The following SPSB4 variants were observed in gnomAD, a reference collection of about 807,000 sequenced individuals.
SPSB4 encodes splA/ryanodine receptor domain and SOCS box containing 4.
In SPSB4, 21 loss-of-function variants were observed where a neutral mutation model predicts 20.9. The observed-to-expected ratio is 1.01, with a 90% CI of 0.71 to 1.45. The LOEUF is 1.45. Ranked by LOEUF, SPSB4 falls within the 40% of genes most tolerant of loss-of-function variation. The pLI is 0.00. For missense variants in SPSB4, 399 were observed against 399.2 expected (o/e 1.00, Z 0.00); for synonymous variants, 207 against 183.8 (o/e 1.13, Z -1.02).
intron 2 of SPSB4, among the ~76,000 whole-genome samples, chr3:141,081,850 G>A (rs547049063): frequency 1.3e-5 from 2 of 152,312 alleles, no homozygotes; most frequent in East Asian, 1.9e-4. Flanking sequence ...AGGCCTGGAC[G>A]GCGTTAGGGG....
At chr3:141,086,506 A>C (rs1437950590) in intron 2 of SPSB4, among the ~76,000 whole-genome samples, 5 of 152,240 alleles carry the variant, frequency 3.3e-5, no homozygotes, top group Non-Finnish European at 5.9e-5. Flanking sequence ...TGACATATAC[A>C]TAAACATCTT....
intron 2 of SPSB4, among the ~76,000 whole-genome samples, chr3:141,072,209 C>T (rs1938021942): frequency 6.6e-6 from 1 of 152,234 alleles, no homozygotes; most frequent in South Asian, 2.1e-4. Flanking sequence ...CTCATTTTTC[C>T]ACCCATAGGC....
intron 2 of SPSB4, among the ~76,000 whole-genome samples, chr3:141,124,883 G>A (rs1311723271): frequency 1.3e-5 from 2 of 152,180 alleles, no homozygotes; most frequent in Non-Finnish European, 2.9e-5. Context: ...TTCTGATGCA[G>A]TAGGTCAGGG....
intron 2 of SPSB4, among the ~76,000 whole-genome samples, chr3:141,084,391 T>C (rs1317358747): frequency 6.6e-6 from 1 of 151,936 alleles, no homozygotes; most frequent in Non-Finnish European, 1.5e-5. Context: ...GGCCTATAAA[T>C]CAAACGGGTC....
At chr3:141,100,740 G>C (rs1184640572) in intron 2 of SPSB4, among the ~76,000 whole-genome samples, 2 of 152,212 alleles carry the variant, frequency 1.3e-5, no homozygotes, top group Admixed American at 6.5e-5. Context: ...AACAGGTGAG[G>C]CCAAGGGTGG....
Position 141,109,716 on chromosome 3 carries a change from GCCT to G in SPSB4, c.695-37424_695-37422del, listed in dbSNP as rs1348265266. 1.2e-3 allele frequency among the ~76,000 whole-genome samples: 178 copies of G among 151,738 alleles called. 1 individual carries two copies. The highest frequency in any genetic ancestry group is 4.0e-3 in the African/African-American group (167 of 41,344). On this transcript the variant is annotated intron_variant, in intron 2 of 2. Transcript: ENST00000310546. ...TTACATCTCAGCAGCCTTGTATCAA[GCCT>G]CTGCCCCACCCTGGTCCCAGCAACT... is the stretch of plus-strand genomic sequence containing the variant.
At chr3:141,093,099 A>G (rs1215186448) in intron 2 of SPSB4, among the ~76,000 whole-genome samples, 1 of 152,044 alleles carries the variant, frequency 6.6e-6, no homozygotes, top group Non-Finnish European at 1.5e-5. Flanking sequence ...CAGGAGCCCT[A>G]TACCTGGATG....
intron 2 of SPSB4, among the ~76,000 whole-genome samples, chr3:141,118,437 G>T (rs1333766958): frequency 1.3e-5 from 2 of 152,084 alleles, no homozygotes; most frequent in African/African-American, 2.4e-5. Context: ...CCATTCTGTA[G>T]GTTGCCTGTT....
At chr3:141,083,945 T>C (rs1398112458) in intron 2 of SPSB4, among the ~76,000 whole-genome samples, 1 of 151,996 alleles carries the variant, frequency 6.6e-6, no homozygotes, top group African/African-American at 2.4e-5. Context: ...GGGGAAAGAC[T>C]CTGAAGTTGG....
chr3:141,141,217 G>C (rs1014457777), intron 2 of SPSB4, among the ~76,000 whole-genome samples: 1 of 152,208 alleles, frequency 6.6e-6, no homozygotes, highest in Admixed American at 6.5e-5. Flanking sequence ...CGATTTTCCA[G>C]GTGCCACCTG....
At chr3:141,126,146 T>C (rs143574726) in intron 2 of SPSB4, among the ~76,000 whole-genome samples, 1,909 of 151,954 alleles carry the variant, frequency 0.013, 44 homozygotes, top group African/African-American at 0.044. Context: ...TTAGAGAAAA[T>C]CTCATTCAGT....
chr3:141,112,057 T>C (rs1053496068), intron 2 of SPSB4, among the ~76,000 whole-genome samples: 1 of 152,202 alleles, frequency 6.6e-6, no homozygotes, highest in Non-Finnish European at 1.5e-5. Context: ...GCTGGAGAAC[T>C]GCAGCCCAGG....
chr3:141,062,796 C>T (rs1251114556), intron 1 of SPSB4, among the ~76,000 whole-genome samples: 3 of 152,072 alleles, frequency 2.0e-5, no homozygotes, highest in Non-Finnish European at 4.4e-5. Context: ...ACCTAATATA[C>T]AGGAAAATTT....
chr3:141,082,905 C>T lies in SPSB4; in HGVS notation c.694+16107C>T, dbSNP rs138229883. ...CACCAGGCTTTCTAAATATCTGAAA[C>T]GCTCTACGCCATCCCTGCTTTCTTT... On this transcript the variant is annotated intron_variant, in intron 2 of 2. Transcript: ENST00000310546. Among the ~76,000 whole-genome samples the T allele has an allele frequency of 4.3e-3, 638 of 149,660 alleles. 4 individuals are homozygous for T. Among genetic ancestry groups the T allele is most frequent in the African/African-American group, 0.015 (615 of 40,130 alleles).
At chr3:141,100,852 G>A (rs972915430) in intron 2 of SPSB4, among the ~76,000 whole-genome samples, 9 of 152,140 alleles carry the variant, frequency 5.9e-5, no homozygotes, top group African/African-American at 2.2e-4. Context: ...GGGAGAGAAG[G>A]GAGGGTGCCC....
intron 1 of SPSB4, among the ~76,000 whole-genome samples, chr3:141,054,762 G>A (rs1487606532): frequency 1.3e-5 from 2 of 152,302 alleles, no homozygotes; most frequent in African/African-American, 2.4e-5. Flanking sequence ...TCAGGAGATC[G>A]AGACTATCCT....
rs137976511 is a variant in SPSB4, at chr3:141,130,558, A to G, written c.695-16584A>G. Among the ~76,000 whole-genome samples the G allele has an allele frequency of 3.0e-3, 462 of 152,324 alleles. 3 individuals are homozygous for G. Among genetic ancestry groups the G allele is most frequent in the South Asian group, 0.019 (90 of 4,826 alleles). ...TATCTGCCGACCATTGTCTAAAATT[A>G]CAAGAGAATTTCACCTCTTGACTCT... On this transcript the variant is annotated intron_variant, in intron 2 of 2. Coordinates refer to ENST00000310546, the MANE Select transcript of SPSB4 (RefSeq NM_080862.3).
chr3:141,103,457 A>T (rs1010817803), intron 2 of SPSB4, among the ~76,000 whole-genome samples: 1 of 152,136 alleles, frequency 6.6e-6, no homozygotes, highest in African/African-American at 2.4e-5. Context: ...GCTGTACACA[A>T]TCCTGACCCT....
chr3:141,116,559 C>G (rs1235167383), intron 2 of SPSB4, among the ~76,000 whole-genome samples: 1 of 152,178 alleles, frequency 6.6e-6, no homozygotes, highest in Non-Finnish European at 1.5e-5. Flanking sequence ...TGCCCCAGTT[C>G]CAATCCCATA....
Sources: allele counts gnomAD v4.1 joint callset (sites outside exome capture counted in the v4.1 genomes callset), GRCh38; gene constraint gnomAD v4.1.1; transcripts MANE v1.5; gene names NCBI Gene and HGNC (gene_info 2026-07-23, HGNC 2026-07-21).